The following CHD9 variants were observed in gnomAD, a reference collection of about 807,000 sequenced individuals.
CHD9 encodes the protein ATP-dependent chromatin remodeler CHD9.
CHD9 carries 77 observed loss-of-function variants against 316.1 expected under a neutral mutation model. That is an observed-to-expected ratio of 0.24 (90% confidence interval 0.20 to 0.29). CHD9 has a LOEUF of 0.29. Ranked by LOEUF, CHD9 falls within the 10% of genes least tolerant of loss-of-function variation. The pLI is 1.00. For missense variants in CHD9, 2,763 were observed against 3,438.1 expected (o/e 0.80, Z 4.91); for synonymous variants, 1,129 against 1,158.3 (o/e 0.97, Z 0.51).
intron 1 of CHD9, among the ~76,000 whole-genome samples, chr16:53,058,673 C>T (rs1386662297): frequency 6.6e-6 from 1 of 152,068 alleles, no homozygotes; most frequent in Non-Finnish European, 1.5e-5. Flanking sequence ...GCACGGTAAT[C>T]CTGGCAGGTT....
At position 53,245,318 on chromosome 16, in the gene CHD9, T is replaced by C. The variant is rs1463688994; in HGVS notation, c.3055-18T>C. 2.7e-6 allele frequency: 4 copies of C among 1,492,858 alleles called. No homozygotes were observed. The highest frequency in any genetic ancestry group is 3.6e-6 in the Non-Finnish European group (4 of 1,123,100). 92.5% of individuals were successfully genotyped at this position (1,492,858 alleles called of 1,614,324 possible). ...TAGTACTGTGATGTTTGATGTGAAT[T>C]GTTCTCACTTTTTGTAGGAACACAA... On this transcript the variant is annotated intron_variant, in intron 13 of 38. Transcript: ENST00000447540. This position sits in a 1 kb window ranked among gnomAD's most constrained non-coding sequence, Gnocchi z 4.1.
In CHD9 at chr16:53,055,681, C is replaced by A. The variant is rs142227737; in HGVS notation, c.-165+604C>A. 1.2e-3 allele frequency among the ~76,000 whole-genome samples: 185 copies of A among 152,254 alleles called. 1 individual carries two copies. The highest frequency in any genetic ancestry group is 4.1e-3 in the African/African-American group (171 of 41,536). ...CTGATGATTCCCTCCTCCTCCTATTCCTCCAGTTCGCCCTCCTCCTCCTTT... is the reference window on the plus strand; with the variant it reads ...CTGATGATTCCCTCCTCCTCCTATTACTCCAGTTCGCCCTCCTCCTCCTTT... On this transcript the variant is annotated intron_variant, in intron 1 of 38. Transcript: ENST00000447540.
Position 53,309,668 on chromosome 16 carries a change from A to G in CHD9, c.7222+814A>G, listed in dbSNP as rs137972590. Among the ~76,000 whole-genome samples, 471 of 152,242 alleles carry G rather than the reference A, an allele frequency of 3.1e-3. 4 individuals are homozygous for G. The highest frequency in any genetic ancestry group is 0.011 in the African/African-American group (444 of 41,522). On this transcript the variant is annotated intron_variant, in intron 34 of 38. Coordinates refer to ENST00000447540, the MANE Select transcript of CHD9 (RefSeq NM_001308319.2). Reference sequence around the variant, plus strand: ...ATTTCTGTTGAGATAGTGTCTCACTATGTTGCCTAGGCTGGTCCTAAACTC... The same window carrying G: ...ATTTCTGTTGAGATAGTGTCTCACTGTGTTGCCTAGGCTGGTCCTAAACTC...
chr16:53,323,967 CTCTT>C (rs2057429746), intron 38 of CHD9, 49 bp from the exon 39 acceptor site: 8 of 1,410,772 alleles, frequency 5.7e-6, no homozygotes, highest in Non-Finnish European at 6.8e-6. Flanking sequence ...AAGCTAATAA[CTCTT>C]TATTTTATTT....
chr16:53,263,794 G>A (rs1341951051), intron 20 of CHD9, among the ~76,000 whole-genome samples: 2 of 152,066 alleles, frequency 1.3e-5, no homozygotes, highest in East Asian at 3.8e-4. Context: ...AATGCATTTT[G>A]GAAATATATG....
intron 2 of CHD9, among the ~76,000 whole-genome samples, chr16:53,161,780 TCTCA>T (rs1278608889): frequency 6.6e-6 from 1 of 152,196 alleles, no homozygotes; most frequent in Non-Finnish European, 1.5e-5. Context: ...TTTGAGATGG[TCTCA>T]CTCTGTCACC....
At chr16:53,089,495 A>T (rs1486708999) in intron 1 of CHD9, among the ~76,000 whole-genome samples, 1 of 152,220 alleles carries the variant, frequency 6.6e-6, no homozygotes, top group Non-Finnish European at 1.5e-5. Flanking sequence ...TAACAGTCCT[A>T]TGAGACAAAC....
intron 8 of CHD9, 21 bp downstream of exon 8, chr16:53,229,121 A>T (rs1466858711): frequency 7.8e-7 from 1 of 1,289,296 alleles, no homozygotes; most frequent in Admixed American, 2.0e-5. Context: ...AATAAATAAG[A>T]CTATTATGTG....
At chr16:53,271,415 A>G in intron 22 of CHD9, among the ~76,000 whole-genome samples, 1 of 152,002 alleles carries the variant, frequency 6.6e-6, no homozygotes, top group East Asian at 1.9e-4. Context: ...CTAAAAATAC[A>G]AAAATTAGCC....
rs748626858 is a variant in CHD9 at position 53,132,793 on chromosome 16, C to CTT, written c.-164-23107_-164-23106dup. ...AGACTTTCCATTTCTTCTAATTCTG[C>CTT]TTTTTTTTTTTTTTTTTTTTTTTTT... On this transcript the variant is annotated intron_variant, in intron 1 of 38. Transcript: ENST00000447540. 5.3e-3 allele frequency among the ~76,000 whole-genome samples: 363 copies of CTT among 68,498 alleles called. 59 individuals are homozygous for CTT. The highest frequency in any genetic ancestry group is 6.3e-3 in the East Asian group (13 of 2,080). The allele number at this position is 68,498 out of a possible 152,430, so 44.9% of individuals were successfully genotyped here.
At position 53,156,270 on chromosome 16, in the gene CHD9, A is replaced by C; in HGVS notation, c.181A>C (p.Thr61Pro). Residue 61 changes from threonine (T) to proline (P), a missense_variant, in exon 2 of 39, where the codon ACA (threonine) becomes CCA (proline). Around this residue, in one of 15 missense-constraint regions of CHD9, gnomAD observed 859 missense variants for 890.4 expected, o/e 0.96. Coordinates refer to ENST00000447540, the MANE Select transcript of CHD9 (RefSeq NM_001308319.2). ...DSLNHVQGTP[T>P]HQKMTDFEQL... ...ACTGAACCATGTTCAAGGTACTCCAACACATCAGAAGATGACTGATTTTGA... is the reference window on the plus strand; with the variant it reads ...ACTGAACCATGTTCAAGGTACTCCACCACATCAGAAGATGACTGATTTTGA... 1 of 1,613,982 alleles carries C rather than the reference A, an allele frequency of 6.2e-7. No individual in the cohort carries two copies. The highest frequency in any genetic ancestry group is 8.5e-7 in the Non-Finnish European group (1 of 1,179,860).
chr16:53,186,640 T>A (rs998468711), intron 2 of CHD9, among the ~76,000 whole-genome samples: 4 of 152,136 alleles, frequency 2.6e-5, no homozygotes, highest in African/African-American at 9.7e-5. Flanking sequence ...CCACCCAAAA[T>A]CTCATCTTGA....
At chr16:53,300,092 G>A (rs569326964) in intron 30 of CHD9, among the ~76,000 whole-genome samples, 104 of 152,308 alleles carry the variant, frequency 6.8e-4, no homozygotes, top group African/African-American at 2.5e-3. Context: ...AGTGGCTCAC[G>A]CCTGTAATCC....
chr16:53,162,091 T>A (rs1257368605), intron 2 of CHD9, among the ~76,000 whole-genome samples: 1 of 152,198 alleles, frequency 6.6e-6, no homozygotes, highest in Non-Finnish European at 1.5e-5. Context: ...GTGGGGTGAT[T>A]GTAGATATCA....
chr16:53,107,550 G>GCA (rs1274155971), intron 1 of CHD9, among the ~76,000 whole-genome samples: 3 of 151,046 alleles, frequency 2.0e-5, no homozygotes, highest in South Asian at 2.1e-4. Flanking sequence ...AGGCGTGGTG[G>GCA]CACATGCCTG....
At position 53,156,007 on chromosome 16, in the gene CHD9, A is replaced by AT; in HGVS notation, c.-83_-82insT. ...TTTGGATTAGTTGATGACCTTCGGA[A>AT]ATGATCCAATAATATCTACTATAGA... On this transcript the variant is annotated 5_prime_UTR_variant, in exon 2 of 39. An upstream open reading frame in the 5' UTR gains an earlier in-frame stop. Coordinates refer to ENST00000447540, the MANE Select transcript of CHD9 (RefSeq NM_001308319.2). 3.8e-6 allele frequency: 5 copies of AT among 1,324,566 alleles called. No individual in the cohort carries two copies. The highest frequency in any genetic ancestry group is 5.1e-6 in the Non-Finnish European group (5 of 972,300). 82.1% of individuals were successfully genotyped at this position (1,324,566 alleles called of 1,614,324 possible).
intron 2 of CHD9, among the ~76,000 whole-genome samples, chr16:53,187,403 G>A (rs1456796118): frequency 6.6e-6 from 1 of 152,112 alleles, no homozygotes; most frequent in African/African-American, 2.4e-5. Context: ...CCTAGCAGGA[G>A]GCTGAGGTGA....
chr16:53,303,712 A>C lies in CHD9; in HGVS notation c.5714-8A>C. 6.4e-7 allele frequency: 1 copy of C among 1,554,440 alleles called. No homozygotes were observed. Among genetic ancestry groups the C allele is most frequent in the Non-Finnish European group, 8.7e-7 (1 of 1,153,262 alleles). On this transcript the variant is annotated splice_region_variant and splice_polypyrimidine_tract_variant and intron_variant, in intron 30 of 38. Transcript: ENST00000447540. Reference sequence around the variant, plus strand: ...GATTAATATTTTTGTCCTTGTTTCAATATGTAGAATTGGTGGATCCAAATA... The same window carrying C: ...GATTAATATTTTTGTCCTTGTTTCACTATGTAGAATTGGTGGATCCAAATA...
At position 53,327,404 on chromosome 16, in the gene CHD9, A is replaced by G. The variant is rs1258674279; in HGVS notation, c.*2509A>G. 6.6e-6 allele frequency: 1 copy of G among 152,574 alleles called. No homozygotes were observed. The allele number at this position is 152,574 out of a possible 1,614,324, so 9.5% of individuals were successfully genotyped here. The stretch of plus-strand genomic sequence containing the variant: ...TCTGTAGTTGAGCAAACGTCTTAAA[A>G]AGTCATTTGTAATTTATTAAATTAC... On this transcript the variant is annotated 3_prime_UTR_variant, in exon 39 of 39. Coordinates refer to ENST00000447540, the MANE Select transcript of CHD9 (RefSeq NM_001308319.2).
Sources: allele counts gnomAD v4.1 joint callset (sites outside exome capture counted in the v4.1 genomes callset), GRCh38; gene constraint gnomAD v4.1.1; regional missense constraint gnomAD v4.1.1; non-coding constraint Gnocchi (gnomAD v3.1); transcripts MANE v1.5; gene names NCBI Gene and HGNC (gene_info 2026-07-23, HGNC 2026-07-21).